GXYLT2: variants seen among roughly 807,000 people sequenced by gnomAD.
GXYLT2 encodes glucoside xylosyltransferase 2.
A neutral mutation model predicts 45.8 loss-of-function variants in GXYLT2; 53 were observed. That is an observed-to-expected ratio of 1.16 (90% CI 0.93 to 1.46). GXYLT2 has a LOEUF of 1.46. GXYLT2 is among the 40% of genes most tolerant of loss of function. GXYLT2 has a pLI of 0.00. For synonymous variants in GXYLT2, 219 were observed against 214.2 expected (o/e 1.02, Z -0.19); for missense variants, 551 against 544.4 (o/e 1.01, Z -0.12).
Position 72,908,449 on chromosome 3 carries a change from C to T in GXYLT2, c.358C>T (p.Arg120Trp), listed in dbSNP as rs375437631. The part of the protein sequence containing the change: ...IHLAVVACGN[R>W]LEETLVMLKS... ...CCTGGCTGTGGTGGCCTGTGGCAAT[C>T]GGCTGGAGGAGACGCTGGTCATGCT... The change falls in exon 2 of 7, where the codon CGG becomes TGG. Residue 120 changes from arginine (R) to tryptophan (W), a missense_variant. Physicochemically the swap from Arg to Trp is moderately radical, Grantham distance 101. Transcript: ENST00000389617. 1.2e-5 allele frequency: 19 copies of T among 1,613,710 alleles called. No homozygotes were observed. Among genetic ancestry groups the T allele is most frequent in the African/African-American group, 4.0e-5 (3 of 74,896 alleles).
intron 6 of GXYLT2, among the ~76,000 whole-genome samples, chr3:72,973,045 G>T (rs368003330): frequency 1.3e-5 from 2 of 151,774 alleles, no homozygotes; most frequent in Non-Finnish European, 2.9e-5. Flanking sequence ...GCAGTGAGCC[G>T]TGATTGCCCC....
chr3:72,921,117 G>A (rs7630928), intron 2 of GXYLT2, among the ~76,000 whole-genome samples: 4,432 of 151,822 alleles, frequency 0.029, 204 homozygotes, highest in African/African-American at 0.099. Flanking sequence ...CACCACGCCC[G>A]GCCTCATGCA....
intron 4 of GXYLT2, 51 bp downstream of exon 4, chr3:72,955,400 T>G: frequency 6.3e-7 from 1 of 1,585,590 alleles, no homozygotes; most frequent in Non-Finnish European, 8.6e-7. Flanking sequence ...GTTGGTCTTG[T>G]CAACAGTGGC....
rs1163898500 is a variant in GXYLT2 at position 72,953,294 on chromosome 3, C to CATT, written c.601-1791_601-1789dup. On this transcript the variant is annotated intron_variant, in intron 3 of 6. Coordinates refer to ENST00000389617, the MANE Select transcript of GXYLT2 (RefSeq NM_001080393.2). The stretch of plus-strand genomic sequence containing the variant: ...GCCACTCTCTTAATATTATTATTGT[C>CATT]ATTATTATTATTATTTTGAGACAGA... 9.2e-5 allele frequency among the ~76,000 whole-genome samples: 14 copies of CATT among 152,048 alleles called. No homozygotes were observed. In the South Asian group the frequency reaches 2.9e-3, roughly 32 times the overall value.
chr3:72,908,831 A>C (rs1437513093), intron 2 of GXYLT2, among the ~76,000 whole-genome samples: 1 of 152,090 alleles, frequency 6.6e-6, no homozygotes, highest in Non-Finnish European at 1.5e-5. Context: ...TCAACCTTCC[A>C]GGCTCAAGTG....
intron 3 of GXYLT2, among the ~76,000 whole-genome samples, chr3:72,940,776 A>G (rs13074542): frequency 0.59 from 90,141 of 151,974 alleles, 27,113 homozygotes; most frequent in Admixed American, 0.65. Flanking sequence ...CCACCTCCTG[A>G]GCTCAGAGGA....
Position 72,932,524 on chromosome 3 carries a change from C to T in GXYLT2, c.600+10189C>T, listed in dbSNP as rs190897267. ...TCATTATGTCCAGGAAGACAGGATACTCAGATTGGCTTGACTTGAATCACA... is the reference window on the plus strand; with the variant it reads ...TCATTATGTCCAGGAAGACAGGATATTCAGATTGGCTTGACTTGAATCACA... On this transcript the variant is annotated intron_variant, in intron 3 of 6. Coordinates refer to ENST00000389617, the MANE Select transcript of GXYLT2 (RefSeq NM_001080393.2). 2.6e-5 allele frequency among the ~76,000 whole-genome samples: 4 copies of T among 152,288 alleles called. No homozygotes were observed. The East Asian group carries it at 5.8e-4, about 22-fold the overall frequency.
chr3:72,974,043 G>A (rs536890740), intron 6 of GXYLT2, among the ~76,000 whole-genome samples: 1 of 152,266 alleles, frequency 6.6e-6, no homozygotes, highest in South Asian at 2.1e-4. Context: ...AGGCAAGAGT[G>A]TACTGATCTT....
intron 3 of GXYLT2, among the ~76,000 whole-genome samples, chr3:72,939,497 G>C (rs1238455387): frequency 1.3e-5 from 2 of 152,066 alleles, no homozygotes; most frequent in African/African-American, 4.8e-5. Context: ...TATTTTCCAA[G>C]TATTCATTAT....
At position 72,957,351 on chromosome 3, in the gene GXYLT2, A is replaced by T. The variant is rs1710668501; in HGVS notation, c.975A>T (p.Pro325=). Residue 325 remains proline (P), a splice_region_variant and synonymous_variant, in exon 5 of 7, where the codon CCA becomes CCT. Transcript: ENST00000389617. ...TAAATATTATTTTTTATTTCAACCCAGGTAGGTTATCTTTGGAGAATGCCT... is the reference window on the plus strand; with the variant it reads ...TAAATATTATTTTTTATTTCAACCCTGGTAGGTTATCTTTGGAGAATGCCT... ...DLLNIIFYFN[P]ECLYVFPCQW... is the part of the protein sequence containing the mutation. 6.2e-7 allele frequency: 1 copy of T among 1,601,718 alleles called. No individual in the cohort carries two copies. Among genetic ancestry groups the T allele is most frequent in the Non-Finnish European group, 8.5e-7 (1 of 1,173,866 alleles).
At position 72,976,522 on chromosome 3, in the gene GXYLT2, G is replaced by A. The variant is rs959885700; in HGVS notation, c.*1363G>A. 1 of 152,148 alleles carries A rather than the reference G, an allele frequency of 6.6e-6. No individual in the cohort carries two copies. The highest frequency in any genetic ancestry group is 1.5e-5 in the Non-Finnish European group (1 of 68,008). 9.4% of individuals were successfully genotyped at this position (152,148 alleles called of 1,614,324 possible). On this transcript the variant is annotated 3_prime_UTR_variant, in exon 7 of 7. Transcript: ENST00000389617. The stretch of plus-strand genomic sequence containing the variant: ...TCAACTTCCTACCAGCCTTAGAAAG[G>A]TCTCTTTAAACAATTTCTTTCCCCC...
At position 72,891,785 on chromosome 3, in the gene GXYLT2, C is replaced by G. The variant is rs1041221066; in HGVS notation, c.275+3277C>G. 1.2e-4 allele frequency among the ~76,000 whole-genome samples: 19 copies of G among 152,092 alleles called. 1 individual carries two copies. Among genetic ancestry groups the G allele is most frequent in the Admixed American group, 2.0e-4 (3 of 15,280 alleles). On this transcript the variant is annotated intron_variant, in intron 1 of 6. Transcript: ENST00000389617. The stretch of plus-strand genomic sequence containing the variant: ...ATAAATACTGTTTGTCAAAAATAAA[C>G]AGTACCTTTGTTAGTAGGATTAAGT...
rs1234193329 is a variant in GXYLT2, at chr3:72,948,835, CAAAAAAA to C, written c.601-6248_601-6242del. ...CTGGTGACAGAGCAAGATTCTGTCTCAAAAAAAAAAAAAAAAAAAAATCCCTTTGACT... is the reference window on the plus strand; with the variant it reads ...CTGGTGACAGAGCAAGATTCTGTCTCAAAAAAAAAAAAAATCCCTTTGACT... On this transcript the variant is annotated intron_variant, in intron 3 of 6. Coordinates refer to ENST00000389617, the MANE Select transcript of GXYLT2 (RefSeq NM_001080393.2). Among the ~76,000 whole-genome samples, 85 of 74,970 alleles carry C rather than the reference CAAAAAAA, an allele frequency of 1.1e-3. 1 individual carries two copies. The highest frequency in any genetic ancestry group is 7.8e-3 in the Middle Eastern group (1 of 128). The allele number at this position is 74,970 out of a possible 152,430, so 49.2% of individuals were successfully genotyped here.
At chr3:72,960,273 AT>A (rs1193052741) in intron 5 of GXYLT2, among the ~76,000 whole-genome samples, 1 of 152,220 alleles carries the variant, frequency 6.6e-6, no homozygotes, top group East Asian at 1.9e-4. Flanking sequence ...AAACGATCTA[AT>A]TTAAGTCTCC....
rs1709984007 is a variant in GXYLT2, at chr3:72,929,502, G to A, written c.600+7167G>A. On this transcript the variant is annotated intron_variant, in intron 3 of 6. Coordinates refer to ENST00000389617, the MANE Select transcript of GXYLT2 (RefSeq NM_001080393.2). ...AGCCATCAAAGAATTGGGTGGCCAC[G>A]TGACCAACTTGTGCAAGATGGGAGC... The A allele has an allele frequency of 4.2e-6, 6 of 1,445,246 alleles. No individual in the cohort carries two copies. The African/African-American group carries it at 5.6e-5, about 13-fold the overall frequency. The allele number at this position is 1,445,246 out of a possible 1,614,324, so 89.5% of individuals were successfully genotyped here. A position where few individuals can be genotyped will look rare whatever the true frequency, so the allele number is the denominator to read the frequency against.
At chr3:72,920,916 A>C (rs1248570452) in intron 2 of GXYLT2, among the ~76,000 whole-genome samples, 1 of 150,048 alleles carries the variant, frequency 6.7e-6, no homozygotes, top group Non-Finnish European at 1.5e-5. Context: ...TGCCTCCCGG[A>C]TTCAAGTGAT....
At chr3:72,970,530 T>A (rs1033641984) in intron 6 of GXYLT2, among the ~76,000 whole-genome samples, 11 of 151,648 alleles carry the variant, frequency 7.3e-5, no homozygotes, top group African/African-American at 2.7e-4. Context: ...AAGTATGCAT[T>A]TGCTAGGGAG....
At chr3:72,916,086 A>G (rs995234620) in intron 2 of GXYLT2, among the ~76,000 whole-genome samples, 1 of 151,550 alleles carries the variant, frequency 6.6e-6, no homozygotes, top group Admixed American at 6.6e-5. Flanking sequence ...TGCTTTGGCC[A>G]ATGAAATGTA....
chr3:72,893,233 T>C (rs757476403), intron 1 of GXYLT2, among the ~76,000 whole-genome samples: 24 of 152,198 alleles, frequency 1.6e-4, no homozygotes, highest in Non-Finnish European at 3.1e-4. Context: ...CATTTAGTTT[T>C]CTGGCCTCCT....
Sources: allele counts gnomAD v4.1 joint callset (sites outside exome capture counted in the v4.1 genomes callset), GRCh38; gene constraint gnomAD v4.1.1; transcripts MANE v1.5; gene names NCBI Gene and HGNC (gene_info 2026-07-23, HGNC 2026-07-21).